Variants in LAMA2 observed in about 807,000 individuals in gnomAD.
LAMA2 encodes the protein laminin subunit alpha 2, also known as laminin subunit alpha-2.
LAMA2 carries 269 observed loss-of-function variants against 364.8 expected under a neutral mutation model. The observed-to-expected ratio is 0.74, with a 90% CI of 0.67 to 0.82. The LOEUF (loss-of-function observed/expected upper bound fraction) is 0.82. Ranked by LOEUF, LAMA2 falls within the 40% of genes least tolerant of loss-of-function variation. LAMA2 has a pLI of 0.00. For synonymous variants in LAMA2, 1,379 were observed against 1,370.6 expected (o/e 1.01, Z -0.14); for missense variants, 3,807 against 3,873.2 (o/e 0.98, Z 0.45).
At chr6:129,282,480 A>T (rs1490391) in intron 18 of LAMA2, among the ~76,000 whole-genome samples, 147,925 of 152,182 alleles carry the variant, frequency 0.97, 72,047 homozygotes, top group Middle Eastern at 1. Context: ...TCTCCCAGCT[A>T]GAATCAAAGT....
intron 12 of LAMA2, among the ~76,000 whole-genome samples, chr6:129,225,170 G>C (rs543195628): frequency 1.9e-4 from 29 of 151,906 alleles, no homozygotes; most frequent in East Asian, 5.8e-4. Context: ...CTGTGGGATC[G>C]GTGGTGATAT....
Position 129,362,539 on chromosome 6 carries a change from T to C in LAMA2, c.4718-3680T>C, listed in dbSNP as rs144202694. Among the ~76,000 whole-genome samples, 669 of 152,330 alleles carry C rather than the reference T, an allele frequency of 4.4e-3. 9 individuals are homozygous for C. Among genetic ancestry groups the C allele is most frequent in the African/African-American group, 0.016 (645 of 41,576 alleles). Reference sequence around the variant, plus strand: ...GCCATTCTCTTTGTCCAAAGTGTTTTGATACCCTTCTCTCACAAAAATATT... The same window carrying C: ...GCCATTCTCTTTGTCCAAAGTGTTTCGATACCCTTCTCTCACAAAAATATT... On this transcript the variant is annotated intron_variant, in intron 32 of 64. Transcript: ENST00000421865.
At chr6:129,070,697 T>G (rs985237721) in intron 3 of LAMA2, among the ~76,000 whole-genome samples, 6 of 152,324 alleles carry the variant, frequency 3.9e-5, no homozygotes, top group African/African-American at 1.4e-4. Context: ...ATGTACAGTT[T>G]TTAATTATTT....
intron 40 of LAMA2, among the ~76,000 whole-genome samples, chr6:129,407,883 T>C (rs1445485887): frequency 6.6e-6 from 1 of 152,232 alleles, no homozygotes; most frequent in African/African-American, 2.4e-5. Context: ...CTTGCCTTCA[T>C]TGTGGAATAG....
chr6:129,417,595 C>G (rs1780864908), intron 40 of LAMA2, among the ~76,000 whole-genome samples: 2 of 152,164 alleles, frequency 1.3e-5, no homozygotes, highest in Non-Finnish European at 2.9e-5. Context: ...TGAGGGCCCA[C>G]CCCTTTCCAC....
rs1321423960 is a variant in LAMA2 at position 129,267,163 on chromosome 6, C to T, written c.2266C>T (p.Pro756Ser). ...NGTIFGGICE[P>S]CQCFGHAESC... ...CACTATTTTTGGTGGCATCTGTGAG[C>T]CATGTCAGTGCTTTGGTCATGCGGA... Residue 756 changes from proline to serine, a missense_variant, in exon 16 of 65, where the codon CCA (proline) becomes TCA (serine). Pro to Ser is a moderately conservative substitution (Grantham distance 74, BLOSUM62 -1). Around this residue, in one of 3 missense-constraint regions of LAMA2, gnomAD observed 3,333 missense variants for 3,345.7 expected, o/e 1.00. Transcript: ENST00000421865. The T allele has an allele frequency of 1.2e-6, 2 of 1,613,246 alleles. No homozygotes were observed. The highest frequency in any genetic ancestry group is 1.3e-5 in the African/African-American group (1 of 74,842).
At chr6:128,963,752 A>T (rs1781678892) in intron 1 of LAMA2, among the ~76,000 whole-genome samples, 2 of 152,090 alleles carry the variant, frequency 1.3e-5, no homozygotes, top group Non-Finnish European at 2.9e-5. Context: ...TTACTAATAA[A>T]TGCTGACAAG....
intron 13 of LAMA2, among the ~76,000 whole-genome samples, chr6:129,251,318 A>G (rs1408993592): frequency 1.3e-5 from 2 of 151,894 alleles, no homozygotes; most frequent in East Asian, 1.9e-4. Flanking sequence ...TTTCCCATGT[A>G]GTAAGTTCCT....
At chr6:129,329,624 A>G (rs559820234) in intron 29 of LAMA2, among the ~76,000 whole-genome samples, 1 of 152,284 alleles carries the variant, frequency 6.6e-6, no homozygotes, top group East Asian at 1.9e-4. Context: ...GGCCTCCCAA[A>G]GTGCTGGGAT....
chr6:129,087,823 GAAGGATAAGAA>G (rs1314305165), intron 3 of LAMA2, among the ~76,000 whole-genome samples: 2 of 151,392 alleles, frequency 1.3e-5, no homozygotes, highest in African/African-American at 4.8e-5. Flanking sequence ...AGTCCCTAGA[GAAGGATAAGAA>G]AATGGGGCAA....
intron 1 of LAMA2, among the ~76,000 whole-genome samples, chr6:128,899,405 T>C (rs2114410234): frequency 6.6e-6 from 1 of 152,338 alleles, no homozygotes; most frequent in Admixed American, 6.5e-5. Flanking sequence ...TAGTTCCTTT[T>C]CCAAGATCTT....
intron 1 of LAMA2, among the ~76,000 whole-genome samples, chr6:128,972,361 A>C (rs1161410448): frequency 6.6e-6 from 1 of 152,178 alleles, no homozygotes; most frequent in Non-Finnish European, 1.5e-5. Context: ...TGTATGAGTT[A>C]CTTAACCACA....
At chr6:128,915,961 T>C (rs1056142541) in intron 1 of LAMA2, among the ~76,000 whole-genome samples, 5 of 152,220 alleles carry the variant, frequency 3.3e-5, no homozygotes, top group African/African-American at 1.2e-4. Context: ...ATACAGCTAA[T>C]TAGTCACTAT....
rs1781460099 is a variant in LAMA2 at position 129,190,346 on chromosome 6, G to C, written c.1608+1G>C. ...GAGTTCCTACTGGACCTATGGCAAAGTAAGCAAGCACCATTTGGTTCTGTT... is the reference window on the plus strand; with the variant it reads ...GAGTTCCTACTGGACCTATGGCAAACTAAGCAAGCACCATTTGGTTCTGTT... On this transcript the variant is annotated splice_donor_variant, in intron 11 of 64. Coordinates refer to ENST00000421865, the MANE Select transcript of LAMA2 (RefSeq NM_000426.4). LOFTEE classifies it high-confidence loss of function. The C allele has an allele frequency of 6.2e-7, 1 of 1,613,012 alleles. No homozygotes were observed.
chr6:129,441,511 A>G (rs58107657), intron 43 of LAMA2, among the ~76,000 whole-genome samples: 3,907 of 152,218 alleles, frequency 0.026, 169 homozygotes, highest in African/African-American at 0.089. Context: ...AAAATAAAGC[A>G]TTTATCTAGT....
chr6:129,421,609 T>G (rs1361416406), intron 40 of LAMA2, among the ~76,000 whole-genome samples: 1 of 152,130 alleles, frequency 6.6e-6, no homozygotes, highest in Non-Finnish European at 1.5e-5. Context: ...AAAGGTTCTC[T>G]CCAAATTCCA....
At chr6:129,018,802 C>T (rs1183007625) in intron 1 of LAMA2, among the ~76,000 whole-genome samples, 1 of 152,002 alleles carries the variant, frequency 6.6e-6, no homozygotes, top group Non-Finnish European at 1.5e-5. Context: ...TACTATATGT[C>T]TTTTATGACG....
rs1786311904 is a variant in LAMA2, at chr6:129,252,249, GTCC to G, written c.2055_2057del (p.Leu686del). 1 of 1,614,032 alleles carries G rather than the reference GTCC, an allele frequency of 6.2e-7. No individual in the cohort carries two copies. The highest frequency in any genetic ancestry group is 8.5e-7 in the Non-Finnish European group (1 of 1,179,956). ...GACAGTGCTTGCGAATTTGAAGAGAGTCCTCCTACAAATCACATACAGCTTTGG... is the reference window on the plus strand; with the variant it reads ...GACAGTGCTTGCGAATTTGAAGAGAGTCCTACAAATCACATACAGCTTTGG... On this transcript the variant is annotated inframe_deletion, in exon 14 of 65. Coordinates refer to ENST00000421865, the MANE Select transcript of LAMA2 (RefSeq NM_000426.4).
At chr6:128,899,462 AG>A (rs1402755638) in intron 1 of LAMA2, among the ~76,000 whole-genome samples, 5 of 152,216 alleles carry the variant, frequency 3.3e-5, no homozygotes, top group Non-Finnish European at 5.9e-5. Flanking sequence ...ATATAATGCT[AG>A]GACTTTTTGT....
Sources: gnomAD v4.1 joint callset for allele counts (sites outside exome capture counted in the v4.1 genomes callset) on GRCh38, gnomAD v4.1.1 for gene constraint, gnomAD v4.1.1 regional missense constraint, MANE v1.5 for transcripts, NCBI Gene and HGNC (gene_info 2026-07-23, HGNC 2026-07-21) for gene names.